Variants in DNAAF10 observed in about 807,000 individuals in gnomAD.
DNAAF10 encodes dynein axonemal assembly factor 10.
DNAAF10 carries 28 observed loss-of-function variants against 43.7 expected under a neutral mutation model. The observed-to-expected ratio is 0.64, with a 90% CI of 0.48 to 0.88. DNAAF10 has a LOEUF of 0.88. DNAAF10 is among the 40% of genes least tolerant of loss of function. DNAAF10 has a pLI of 0.00. For missense variants in DNAAF10, 403 were observed against 439.1 expected (o/e 0.92, Z 0.73); for synonymous variants, 156 against 157.3 (o/e 0.99, Z 0.06).
chr2:68,135,413 T>C (rs1174235239), intron 6 of DNAAF10, among the ~76,000 whole-genome samples: 1 of 152,194 alleles, frequency 6.6e-6, no homozygotes, highest in East Asian at 1.9e-4. Flanking sequence ...AGCTAAGGTC[T>C]TTATCATTCA....
In DNAAF10 at chr2:68,137,207, G is replaced by A. The variant is rs376396432; in HGVS notation, c.768+92C>T. 6 of 1,401,768 alleles carry A rather than the reference G, an allele frequency of 4.3e-6. No individual in the cohort carries two copies. The African/African-American group carries it at 4.4e-5, about 10-fold the overall frequency. 86.8% of individuals were successfully genotyped at this position (1,401,768 alleles called of 1,614,324 possible). ...TCAAAAATAGCTCCCTTCACATAAA[G>A]ACCTGGAAGAAACCTTGGTGACTAA... On this transcript the variant is annotated intron_variant, in intron 6 of 7. Transcript: ENST00000295121.
chr2:68,132,281 G>GT (rs2103879815), intron 7 of DNAAF10, among the ~76,000 whole-genome samples: 1 of 152,242 alleles, frequency 6.6e-6, no homozygotes, highest in Non-Finnish European at 1.5e-5. Flanking sequence ...GGCCAAGAAC[G>GT]TAAGAAGCAC....
chr2:68,138,723 G>T lies in DNAAF10; in HGVS notation c.633+19C>A. 1 of 1,562,180 alleles carries T rather than the reference G, an allele frequency of 6.4e-7. No homozygotes were observed. The highest frequency in any genetic ancestry group is 8.8e-7 in the Non-Finnish European group (1 of 1,133,052). The stretch of plus-strand genomic sequence containing the variant: ...GAAACATGCTCAGAGAAACCAAAAA[G>T]CCTCAGAATGTACTTTACCCCATTT... On this transcript the variant is annotated intron_variant, in intron 5 of 7. Transcript: ENST00000295121.
At chr2:68,137,242 T>C in intron 6 of DNAAF10, 57 bp downstream of exon 6, 1 of 1,518,282 alleles carries the variant, frequency 6.6e-7, no homozygotes, top group Non-Finnish European at 8.8e-7. Flanking sequence ...ATTCTACTTA[T>C]CAGTCTAAAC....
At chr2:68,142,908 A>G (rs1262064172) in intron 3 of DNAAF10, among the ~76,000 whole-genome samples, 2 of 152,200 alleles carry the variant, frequency 1.3e-5, no homozygotes, top group African/African-American at 2.4e-5. Flanking sequence ...TTATTTAGAG[A>G]CAGGGTCTTG....
intron 1 of DNAAF10, among the ~76,000 whole-genome samples, chr2:68,151,309 G>T (rs892486486): frequency 1.1e-4 from 17 of 151,954 alleles, no homozygotes; most frequent in African/African-American, 4.1e-4. Context: ...CTTCCACTTG[G>T]GCCATTTGAA....
rs777195343 is a variant in DNAAF10, at chr2:68,138,855, T to G, written c.520A>C (p.Asn174His). 3.7e-6 allele frequency: 6 copies of G among 1,607,226 alleles called. No homozygotes were observed. Among genetic ancestry groups the G allele is most frequent in the Non-Finnish European group, 5.1e-6 (6 of 1,174,030 alleles). Reference protein sequence around the residue: ...KRDCWTVAFGNAYNQEERVVC... With the variant: ...KRDCWTVAFGHAYNQEERVVC... ...ACACGTTCTTCTTGATTATAAGCAT[T>G]GCCTGGAAATCAAGATACAACATTT... The change falls in exon 5 of 8, where the codon AAT becomes CAT. Residue 174 changes from asparagine (N) to histidine (H), a missense_variant and splice_region_variant. By Grantham distance (68) the Asn-to-His change is moderately conservative. Coordinates refer to ENST00000295121, the MANE Select transcript of DNAAF10 (RefSeq NM_138458.4).
At chr2:68,157,200 G>A in intron 1 of DNAAF10, 61 bp downstream of exon 1, 1 of 1,552,108 alleles carries the variant, frequency 6.4e-7, no homozygotes, top group Non-Finnish European at 8.7e-7. Flanking sequence ...AAAGAGGAAT[G>A]CAGACCCCAG....
At chr2:68,156,771 T>TTCATCCCAAATCTGTTTTCAC (rs1174473593) in intron 1 of DNAAF10, among the ~76,000 whole-genome samples, 1 of 152,244 alleles carries the variant, frequency 6.6e-6, no homozygotes, top group Non-Finnish European at 1.5e-5. Context: ...TCTGTTTTCA[T>TTCATCCCAAATCTGTTTTCAC]TCATCCCAAA....
intron 2 of DNAAF10, among the ~76,000 whole-genome samples, chr2:68,144,940 G>C (rs1350894571): frequency 6.6e-6 from 1 of 152,024 alleles, no homozygotes; most frequent in Non-Finnish European, 1.5e-5. Flanking sequence ...TTCCAATCCT[G>C]AGCTCACCAT....
At chr2:68,141,508 T>C (rs981695779) in intron 4 of DNAAF10, among the ~76,000 whole-genome samples, 186 bp downstream of exon 4, 9 of 152,202 alleles carry the variant, frequency 5.9e-5, no homozygotes, top group Admixed American at 1.3e-4. Flanking sequence ...ACATGGCCAA[T>C]AAGTAGCAGG....
At chr2:68,136,052 A>G (rs974935367) in intron 6 of DNAAF10, among the ~76,000 whole-genome samples, 9 of 93,532 alleles carry the variant, frequency 9.6e-5, no homozygotes, top group Non-Finnish European at 1.3e-4. Flanking sequence ...TGACTCTATG[A>G]AAAAAAAAAA....
intron 1 of DNAAF10, among the ~76,000 whole-genome samples, chr2:68,153,733 AAACAC>A (rs1673513374): frequency 6.7e-6 from 1 of 149,444 alleles, no homozygotes; most frequent in Non-Finnish European, 1.5e-5. Context: ...CAGAACAGCC[AAACAC>A]AATGAAGTTT....
At chr2:68,141,201 G>A (rs555298883) in intron 4 of DNAAF10, among the ~76,000 whole-genome samples, 2 of 152,260 alleles carry the variant, frequency 1.3e-5, no homozygotes, top group South Asian at 2.1e-4. Context: ...ACTTTGTAAT[G>A]GCAAACTATT....
At chr2:68,153,345 TAAAAA>T (rs775794947) in intron 1 of DNAAF10, among the ~76,000 whole-genome samples, 2 of 98,750 alleles carry the variant, frequency 2.0e-5, no homozygotes, top group African/African-American at 7.2e-5. Flanking sequence ...AGTGATAAAT[TAAAAA>T]AAAAAAAAAA....
In DNAAF10 at chr2:68,130,386, T is replaced by G. The variant is rs1299940890; in HGVS notation, c.*852A>C. ...ACCTCGTGATTCACCCGCCTCAGCC[T>G]CCCAAAGTGCTGGAATTACAGGCGT... On this transcript the variant is annotated 3_prime_UTR_variant, in exon 8 of 8. Transcript: ENST00000295121. 6.6e-6 allele frequency: 1 copy of G among 151,978 alleles called. No homozygotes were observed. Among genetic ancestry groups the G allele is most frequent in the African/African-American group, 2.4e-5 (1 of 41,386 alleles). 9.4% of individuals were successfully genotyped at this position (151,978 alleles called of 1,614,324 possible).
intron 2 of DNAAF10, among the ~76,000 whole-genome samples, chr2:68,146,950 C>T (rs906456689): frequency 1.3e-5 from 2 of 151,990 alleles, no homozygotes; most frequent in Admixed American, 6.6e-5. Context: ...AGGTAAAACA[C>T]GAAAAAGGCA....
intron 1 of DNAAF10, among the ~76,000 whole-genome samples, chr2:68,149,060 G>A (rs117267175): frequency 1.3e-5 from 2 of 152,240 alleles, no homozygotes; most frequent in East Asian, 3.9e-4. Flanking sequence ...ATCCCTCCCA[G>A]GTTGGCCTGT....
intron 1 of DNAAF10, among the ~76,000 whole-genome samples, chr2:68,153,957 G>A (rs775289043): frequency 6.6e-6 from 1 of 151,900 alleles, no homozygotes; most frequent in African/African-American, 2.4e-5. Flanking sequence ...GTTTCACCAT[G>A]TTGGCCAGGA....
Sources: gnomAD v4.1 joint callset for allele counts (sites outside exome capture counted in the v4.1 genomes callset) on GRCh38, gnomAD v4.1.1 for gene constraint, MANE v1.5 for transcripts, NCBI Gene and HGNC (gene_info 2026-07-23, HGNC 2026-07-21) for gene names.